The following MC4R variants were observed in gnomAD, a reference collection of about 807,000 sequenced individuals.
MC4R encodes melanocortin receptor 4.
In MC4R, 15 loss-of-function variants were observed where a neutral mutation model predicts 16.1. The observed-to-expected ratio is 0.93, with a 90% confidence interval of 0.62 to 1.44. The LOEUF is 1.44. Among genes scored for constraint, MC4R ranks in the 40% most tolerant of loss-of-function variants. The probability of loss-of-function intolerance (pLI) is 0.00; values close to 1 mark genes in which losing one functional copy is unlikely to be tolerated. For synonymous variants in MC4R, 162 were observed against 151.7 expected, an observed-to-expected ratio of 1.07 and a Z score of -0.50; for missense variants, 416 against 411.4, an observed-to-expected ratio of 1.01 and a Z score of -0.10.
chr18:60,371,538 C>A lies in MC4R; in HGVS notation c.812G>T (p.Cys271Phe), dbSNP rs121913562. The A allele has an allele frequency of 1.2e-6, 2 of 1,613,992 alleles. No individual in the cohort carries two copies. The highest frequency in any genetic ancestry group is 2.7e-5 in the African/African-American group (2 of 74,884). Residue 271 changes from cysteine to phenylalanine, a missense_variant, in exon 1 of 1, where the codon TGT becomes TTT. Transcript: ENST00000299766. ...FFLHLIFYIS[C>F]PQNPYCVCFM... ...GCACACACAATATGGATTCTGAGGA[C>A]AAGAGATGTAGAATATTAAGTGGAG... is the stretch of plus-strand genomic sequence containing the variant.
chr18:60,372,412 TCA>T lies in MC4R; in HGVS notation c.-65_-64del. 5 of 1,564,416 alleles carry T rather than the reference TCA, an allele frequency of 3.2e-6. No homozygotes were observed. Among genetic ancestry groups the T allele is most frequent in the Non-Finnish European group, 8.8e-7 (1 of 1,142,670 alleles). On this transcript the variant is annotated 5_prime_UTR_variant, in exon 1 of 1. Coordinates refer to ENST00000299766, the MANE Select transcript of MC4R (RefSeq NM_005912.3). ...TAACCTCCTGGGTCAGGGAGTCGTCTCAGTTATTTCCTCCAAGTCTTTATCTG... is the reference window on the plus strand; with the variant it reads ...TAACCTCCTGGGTCAGGGAGTCGTCTGTTATTTCCTCCAAGTCTTTATCTG...
At position 60,371,378 on chromosome 18, in the gene MC4R, G is replaced by A. The variant is rs150448918; in HGVS notation, c.972C>T (p.Gly324=). 1.3e-4 allele frequency: 217 copies of A among 1,614,036 alleles called. No homozygotes were observed. The highest frequency in any genetic ancestry group is 1.8e-4 in the Non-Finnish European group (209 of 1,180,030). ...KEIICCYPLG[G]LCDLSSRY ...AATATCTGCTAGACAAGTCACAAAGGCCTCCCAGGGGATAGCAACAGATGA... is the reference window on the plus strand; with the variant it reads ...AATATCTGCTAGACAAGTCACAAAGACCTCCCAGGGGATAGCAACAGATGA... Residue 324 remains glycine, a synonymous_variant, in exon 1 of 1, where the codon GGC becomes GGT. Transcript: ENST00000299766.
At position 60,372,192 on chromosome 18, in the gene MC4R, G is replaced by A. The variant is rs141148170; in HGVS notation, c.158C>T (p.Thr53Ile). 2.1e-5 allele frequency: 34 copies of A among 1,614,116 alleles called. No homozygotes were observed. The highest frequency in any genetic ancestry group is 2.7e-5 in the Non-Finnish European group (32 of 1,180,042). Reference protein sequence around the residue: ...QLFVSPEVFVTLGVISLLENI... With the variant: ...QLFVSPEVFVILGVISLLENI... Reference sequence around the variant, plus strand: ...CTCCAACAAGCTGATGACACCCAGAGTCACAAACACCTCAGGAGAGACAAA... The same window carrying A: ...CTCCAACAAGCTGATGACACCCAGAATCACAAACACCTCAGGAGAGACAAA... The change falls in exon 1 of 1, where the codon ACT becomes ATT. Residue 53 changes from threonine (T) to isoleucine (I), a missense_variant. Physicochemically the swap from Thr to Ile is moderately conservative, Grantham distance 89. Coordinates refer to ENST00000299766, the MANE Select transcript of MC4R (RefSeq NM_005912.3).
Position 60,372,131 on chromosome 18 carries a change from C to T in MC4R, c.219G>A (p.Lys73=). Residue 73 remains lysine, a synonymous_variant, in exon 1 of 1, where the codon AAG becomes AAA. Transcript: ENST00000299766. ...ILVIVAIAKN[K]NLHSPMYFFI... ...AAAAGTACATGGGTGAATGCAGATTCTTGTTCTTGGCTATTGCCACAATCA... is the reference window on the plus strand; with the variant it reads ...AAAAGTACATGGGTGAATGCAGATTTTTGTTCTTGGCTATTGCCACAATCA... 1 of 1,614,232 alleles carries T rather than the reference C, an allele frequency of 6.2e-7. No individual in the cohort carries two copies. The highest frequency in any genetic ancestry group is 1.3e-5 in the African/African-American group (1 of 75,066).
Position 60,371,206 on chromosome 18 carries a change from A to C in MC4R, c.*145T>G. ...GACTGGGCATTTTTTCTCATTAAAA[A>C]TCATAGGCTTAAATTTACACAATGG... On this transcript the variant is annotated 3_prime_UTR_variant, in exon 1 of 1. Coordinates refer to ENST00000299766, the MANE Select transcript of MC4R (RefSeq NM_005912.3). 1 of 884,096 alleles carries C rather than the reference A, an allele frequency of 1.1e-6. No homozygotes were observed. The highest frequency in any genetic ancestry group is 2.5e-5 in the East Asian group (1 of 40,260). 54.8% of individuals were successfully genotyped at this position (884,096 alleles called of 1,614,324 possible).
At position 60,371,775 on chromosome 18, in the gene MC4R, G is replaced by C. The variant is rs1177551304; in HGVS notation, c.575C>G (p.Ala192Gly). The stretch of plus-strand genomic sequence containing the variant: ...CATGGTGATGAGGCAGATGATGACA[G>C]CACTACTATCTGAGTAAATGATGAA... ...ILFIIYSDSS[A>G]VIICLITMFF... The change falls in exon 1 of 1, where the codon GCT (alanine) becomes GGT (glycine). Residue 192 changes from alanine to glycine, a missense_variant. Transcript: ENST00000299766. 6.2e-7 allele frequency: 1 copy of C among 1,614,194 alleles called. No homozygotes were observed. Among genetic ancestry groups the C allele is most frequent in the Non-Finnish European group, 8.5e-7 (1 of 1,180,030 alleles).
chr18:60,372,316 A>G lies in MC4R; in HGVS notation c.34T>C (p.Ser12Pro), dbSNP rs1207320659. Residue 12 changes from serine (S) to proline (P), a missense_variant, in exon 1 of 1, where the codon TCT (serine) becomes CCT (proline). By Grantham distance (74) the Ser-to-Pro change is moderately conservative. Transcript: ENST00000299766. ...VNSTHRGMHT[S>P]LHLWNRSSYR... is the part of the protein sequence containing the mutation. ...CTGCTGCGGTTCCAGAGGTGCAGAGAAGTGTGCATCCCACGGTGGGTGGAG... is the reference window on the plus strand; with the variant it reads ...CTGCTGCGGTTCCAGAGGTGCAGAGGAGTGTGCATCCCACGGTGGGTGGAG... 3 of 1,614,032 alleles carry G rather than the reference A, an allele frequency of 1.9e-6. No individual in the cohort carries two copies. The highest frequency in any genetic ancestry group is 1.7e-5 in the Admixed American group (1 of 60,002).
At position 60,371,286 on chromosome 18, in the gene MC4R, T is replaced by A. The variant is rs948645304; in HGVS notation, c.*65A>T. ...AGAAAGCTGTTGCAGAAGTACAATATTCAGGTAGGGTAAGAGTGAAAAAGT... is the reference window on the plus strand; with the variant it reads ...AGAAAGCTGTTGCAGAAGTACAATAATCAGGTAGGGTAAGAGTGAAAAAGT... On this transcript the variant is annotated 3_prime_UTR_variant, in exon 1 of 1. Transcript: ENST00000299766. 1.3e-6 allele frequency: 2 copies of A among 1,504,586 alleles called. No homozygotes were observed. Among genetic ancestry groups the A allele is most frequent in the African/African-American group, 2.8e-5 (2 of 72,648 alleles). 93.2% of individuals were successfully genotyped at this position (1,504,586 alleles called of 1,614,324 possible).
chr18:60,371,870 A>G lies in MC4R; in HGVS notation c.480T>C (p.Ile160=). ...TGATCCCAACCCGCTTAACTGTCAT[A>G]ATGTTATGGTACTGGAGAGCATAGA... The part of the protein sequence containing the change: ...TIFYALQYHN[I]MTVKRVGIII... Residue 160 remains isoleucine (I), a synonymous_variant, in exon 1 of 1, where the codon ATT becomes ATC. Transcript: ENST00000299766. The G allele has an allele frequency of 6.2e-7, 1 of 1,614,192 alleles. No individual in the cohort carries two copies. Among genetic ancestry groups the G allele is most frequent in the African/African-American group, 1.3e-5 (1 of 75,044 alleles).
Position 60,371,807 on chromosome 18 carries a change from G to A in MC4R, c.543C>T (p.Gly181=). 1.2e-6 allele frequency: 2 copies of A among 1,614,128 alleles called. No homozygotes were observed. The highest frequency in any genetic ancestry group is 1.7e-6 in the Non-Finnish European group (2 of 1,180,026). The change falls in exon 1 of 1, where the codon GGC becomes GGT. Residue 181 remains glycine (G), a synonymous_variant. Transcript: ENST00000299766. ...TATCTGAGTAAATGATGAACAAAAT[G>A]CCTGAAACCGTGCAAGCTGCCCAGA... ...SCIWAACTVS[G]ILFIIYSDSS... is the part of the protein sequence containing the mutation.
Position 60,371,990 on chromosome 18 carries a change from A to T in MC4R, c.360T>A (p.Asn120Lys), listed in dbSNP as rs1598932270. Residue 120 changes from asparagine to lysine, a missense_variant, in exon 1 of 1, where the codon AAT becomes AAA. By Grantham distance (94) the Asn-to-Lys change is moderately conservative. Coordinates refer to ENST00000299766, the MANE Select transcript of MC4R (RefSeq NM_005912.3). ...TDTDAQSFTVNIDNVIDSVIC... is the reference protein window; with the variant it reads ...TDTDAQSFTVKIDNVIDSVIC... ...TCACCGAGTCAATGACATTATCAAT[A>T]TTCACTGTGAAACTCTGTGCATCCG... 1 of 1,614,198 alleles carries T rather than the reference A, an allele frequency of 6.2e-7. No homozygotes were observed. The highest frequency in any genetic ancestry group is 8.5e-7 in the Non-Finnish European group (1 of 1,180,042).
chr18:60,371,159 A>G lies in MC4R; in HGVS notation c.*192T>C. On this transcript the variant is annotated 3_prime_UTR_variant, in exon 1 of 1. Coordinates refer to ENST00000299766, the MANE Select transcript of MC4R (RefSeq NM_005912.3). The stretch of plus-strand genomic sequence containing the variant: ...CATATTTTATGGCCAAAAAAGTAGC[A>G]TGACATTGGAAATAATACAGAGACT... The G allele has an allele frequency of 6.5e-6, 4 of 615,970 alleles. No homozygotes were observed. The South Asian group carries it at 7.8e-5, about 12-fold the overall frequency. The allele number at this position is 615,970 out of a possible 1,614,324, so 38.2% of individuals were successfully genotyped here.
chr18:60,371,701 G>C lies in MC4R; in HGVS notation c.649C>G (p.Leu217Val). Reference protein sequence around the residue: ...LMASLYVHMFLMARLHIKRIA... With the variant: ...LMASLYVHMFVMARLHIKRIA... ...CTCTTAATGTGAAGCCTGGCCATCAGGAACATGTGGACATAGAGAGAAGCC... is the reference window on the plus strand; with the variant it reads ...CTCTTAATGTGAAGCCTGGCCATCACGAACATGTGGACATAGAGAGAAGCC... Residue 217 changes from leucine to valine, a missense_variant, in exon 1 of 1, where the codon CTG becomes GTG. Physicochemically the swap from Leu to Val is conservative, Grantham distance 32. Transcript: ENST00000299766. The C allele has an allele frequency of 6.2e-7, 1 of 1,614,192 alleles. No individual in the cohort carries two copies. The highest frequency in any genetic ancestry group is 8.5e-7 in the Non-Finnish European group (1 of 1,180,032).
In MC4R at chr18:60,371,644, G is replaced by A. The variant is rs758426526; in HGVS notation, c.706C>T (p.Arg236Cys). ...GCTCCCTTCATATTGGCACCTTGGC[G>A]GATGGCACCAGTGCCGGGGAGGACA... ...IAVLPGTGAIRQGANMKGAIT... is the reference protein window; with the variant it reads ...IAVLPGTGAICQGANMKGAIT... Residue 236 changes from arginine (R) to cysteine (C), a missense_variant, in exon 1 of 1, where the codon CGC becomes TGC. Transcript: ENST00000299766. 7.5e-5 allele frequency: 121 copies of A among 1,614,090 alleles called. 1 individual carries two copies. The highest frequency in any genetic ancestry group is 1.6e-4 in the Middle Eastern group (1 of 6,084).
chr18:60,371,652 C>A lies in MC4R; in HGVS notation c.698G>T (p.Gly233Val), dbSNP rs1310474452. The A allele has an allele frequency of 6.2e-7, 1 of 1,614,138 alleles. No homozygotes were observed. Among genetic ancestry groups the A allele is most frequent in the Non-Finnish European group, 8.5e-7 (1 of 1,180,012 alleles). The change falls in exon 1 of 1, where the codon GGT becomes GTT. Residue 233 changes from glycine (G) to valine (V), a missense_variant. By Grantham distance (109) the Gly-to-Val change is moderately radical. Transcript: ENST00000299766. ...CATATTGGCACCTTGGCGGATGGCA[C>A]CAGTGCCGGGGAGGACAGCAATCCT... ...IKRIAVLPGTGAIRQGANMKG... is the reference protein window; with the variant it reads ...IKRIAVLPGTVAIRQGANMKG...
Position 60,371,797 on chromosome 18 carries a change from T to C in MC4R, c.553A>G (p.Ile185Val), listed in dbSNP as rs773199277. The C allele has an allele frequency of 1.9e-6, 3 of 1,614,044 alleles. No homozygotes were observed. In the Admixed American group the frequency reaches 5.0e-5, roughly 27 times the overall value. The change falls in exon 1 of 1, where the codon ATC becomes GTC. Residue 185 changes from isoleucine (I) to valine (V), a missense_variant. Transcript: ENST00000299766. Reference sequence around the variant, plus strand: ...ACAGCACTACTATCTGAGTAAATGATGAACAAAATGCCTGAAACCGTGCAA... The same window carrying C: ...ACAGCACTACTATCTGAGTAAATGACGAACAAAATGCCTGAAACCGTGCAA... ...AACTVSGILF[I>V]IYSDSSAVII...
rs770669384 is a variant in MC4R, at chr18:60,371,618, C to T, written c.732G>A (p.Ala244=). Reference sequence around the variant, plus strand: ...CGCCAATCAGGATGGTCAAGGTAATCGCTCCCTTCATATTGGCACCTTGGC... The same window carrying T: ...CGCCAATCAGGATGGTCAAGGTAATTGCTCCCTTCATATTGGCACCTTGGC... ...AIRQGANMKG[A]ITLTILIGVF... The change falls in exon 1 of 1, where the codon GCG becomes GCA. Residue 244 remains alanine (A), a synonymous_variant. Transcript: ENST00000299766. 9.9e-6 allele frequency: 16 copies of T among 1,614,210 alleles called. No individual in the cohort carries two copies. Among genetic ancestry groups the T allele is most frequent in the East Asian group, 8.9e-5 (4 of 44,882 alleles).
rs200771015 is a variant in MC4R at position 60,371,628 on chromosome 18, A to G, written c.722T>C (p.Met241Thr). 2 of 1,614,194 alleles carry G rather than the reference A, an allele frequency of 1.2e-6. No homozygotes were observed. Among genetic ancestry groups the G allele is most frequent in the East Asian group, 2.2e-5 (1 of 44,884 alleles). The change falls in exon 1 of 1, where the codon ATG becomes ACG. Residue 241 changes from methionine (M) to threonine (T), a missense_variant. Met to Thr is a moderately conservative substitution (Grantham distance 81, BLOSUM62 -1). Transcript: ENST00000299766. ...GTGAIRQGAN[M>T]KGAITLTILI... is the part of the protein sequence containing the mutation. ...GATGGTCAAGGTAATCGCTCCCTTC[A>G]TATTGGCACCTTGGCGGATGGCACC...
rs768916374 is a variant in MC4R at position 60,371,880 on chromosome 18, T to G, written c.470A>C (p.Tyr157Ser). 3 of 1,614,160 alleles carry G rather than the reference T, an allele frequency of 1.9e-6. No individual in the cohort carries two copies. The highest frequency in any genetic ancestry group is 2.2e-5 in the South Asian group (2 of 91,082). Residue 157 changes from tyrosine to serine, a missense_variant, in exon 1 of 1, where the codon TAC becomes TCC. Coordinates refer to ENST00000299766, the MANE Select transcript of MC4R (RefSeq NM_005912.3). ...RYFTIFYALQ[Y>S]HNIMTVKRVG... ...CCGCTTAACTGTCATAATGTTATGG[T>G]ACTGGAGAGCATAGAAGATAGTAAA...
Sources: allele counts gnomAD v4.1 joint callset, GRCh38; gene constraint gnomAD v4.1.1; transcripts MANE v1.5; gene names NCBI Gene and HGNC (gene_info 2026-07-23, HGNC 2026-07-21).